The following ST6GALNAC3 variants were observed in gnomAD, a reference collection of about 807,000 sequenced individuals.
ST6GALNAC3 encodes the protein alpha-N-acetylgalactosaminide alpha-2,6-sialyltransferase 3.
A neutral mutation model predicts 32.7 loss-of-function variants in ST6GALNAC3; 25 were observed. The observed-to-expected ratio is 0.76, with a 90% CI of 0.56 to 1.07. The LOEUF (loss-of-function observed/expected upper bound fraction) is 1.07, where lower values mean the gene tolerates loss of function less well. ST6GALNAC3 is among the 50% of genes least tolerant of loss of function. ST6GALNAC3 has a pLI of 0.00. For missense variants in ST6GALNAC3, 355 were observed against 382.4 expected (o/e 0.93, Z 0.60); for synonymous variants, 129 against 133.1 (o/e 0.97, Z 0.21).
chr1:76,257,473 A>G (rs1657985225), intron 1 of ST6GALNAC3, among the ~76,000 whole-genome samples: 1 of 152,104 alleles, frequency 6.6e-6, no homozygotes, highest in Non-Finnish European at 1.5e-5. Flanking sequence ...TACATTTTTA[A>G]AAAGCACCAT....
At chr1:76,097,211 G>A (rs1224654619) in intron 1 of ST6GALNAC3, among the ~76,000 whole-genome samples, 1 of 152,166 alleles carries the variant, frequency 6.6e-6, no homozygotes, top group African/African-American at 2.4e-5. Context: ...GAACCACTGC[G>A]CCCAGCCAGA....
intron 1 of ST6GALNAC3, among the ~76,000 whole-genome samples, chr1:76,147,408 C>G (rs11582447): frequency 0.12 from 18,852 of 152,080 alleles, 1,230 homozygotes; most frequent in African/African-American, 0.16. Context: ...TATTTTGCCT[C>G]TTTGATTGTC....
chr1:76,507,089 C>T (rs913789150), intron 3 of ST6GALNAC3, among the ~76,000 whole-genome samples: 3 of 152,252 alleles, frequency 2.0e-5, no homozygotes, highest in East Asian at 3.9e-4. Context: ...AGAGCTATAT[C>T]GCTCAGGAGC....
rs550367693 is a variant in ST6GALNAC3, at chr1:76,080,631, C to T, written c.18+5747C>T. 2.4e-3 allele frequency among the ~76,000 whole-genome samples: 305 copies of T among 129,334 alleles called. 1 individual carries two copies. The highest frequency in any genetic ancestry group is 3.9e-3 in the Non-Finnish European group (244 of 61,794). The allele number at this position is 129,334 out of a possible 152,430, so 84.8% of individuals were successfully genotyped here. On this transcript the variant is annotated intron_variant, in intron 1 of 4. Transcript: ENST00000328299. ...CCCCAGATTAACAGAAACAGATAAACCAAAAAAAAAAAAAAACAATCAAAA... is the reference window on the plus strand; with the variant it reads ...CCCCAGATTAACAGAAACAGATAAATCAAAAAAAAAAAAAAACAATCAAAA...
intron 2 of ST6GALNAC3, among the ~76,000 whole-genome samples, chr1:76,388,049 G>A (rs1378435454): frequency 6.6e-6 from 1 of 151,954 alleles, no homozygotes; most frequent in Non-Finnish European, 1.5e-5. Flanking sequence ...GGGGAGATTT[G>A]CTCTGCTTCT....
At chr1:76,609,600 C>A (rs994143822) in intron 3 of ST6GALNAC3, among the ~76,000 whole-genome samples, 3 of 151,806 alleles carry the variant, frequency 2.0e-5, no homozygotes, top group African/African-American at 7.3e-5. Flanking sequence ...CAGGCTGGTC[C>A]ATGAAAAAAA....
intron 2 of ST6GALNAC3, among the ~76,000 whole-genome samples, chr1:76,364,745 A>G (rs1650234407): frequency 6.6e-6 from 1 of 152,086 alleles, no homozygotes; most frequent in Non-Finnish European, 1.5e-5. Context: ...CAATATCACT[A>G]ATTATGAGAG....
rs1403760552 is a variant in ST6GALNAC3, at chr1:76,148,709, C to A, written c.18+73825C>A. On this transcript the variant is annotated intron_variant, in intron 1 of 4. Transcript: ENST00000328299. ...CTTTCTTCCATTGCCTGTCTCCTGTCCCCAGGGGCCTCAGTGGAGGCCAGA... is the reference window on the plus strand; with the variant it reads ...CTTTCTTCCATTGCCTGTCTCCTGTACCCAGGGGCCTCAGTGGAGGCCAGA... 5.3e-5 allele frequency among the ~76,000 whole-genome samples: 8 copies of A among 152,158 alleles called. No homozygotes were observed. In the East Asian group the frequency reaches 1.2e-3, roughly 22 times the overall value.
intron 1 of ST6GALNAC3, among the ~76,000 whole-genome samples, chr1:76,312,008 G>C (rs1387272620): frequency 1.3e-5 from 2 of 152,126 alleles, no homozygotes; most frequent in African/African-American, 4.8e-5. Context: ...CTGTGGTTTT[G>C]ATTTGCACTT....
intron 1 of ST6GALNAC3, among the ~76,000 whole-genome samples, chr1:76,149,546 T>C (rs1013995374): frequency 1.3e-5 from 2 of 152,222 alleles, no homozygotes; most frequent in Non-Finnish European, 2.9e-5. Flanking sequence ...ATATGCATTA[T>C]GAAATGATTA....
intron 1 of ST6GALNAC3, among the ~76,000 whole-genome samples, chr1:76,175,763 G>T (rs961049995): frequency 6.7e-6 from 1 of 149,970 alleles, no homozygotes; most frequent in Non-Finnish European, 1.5e-5. Context: ...CTTGGTCACT[G>T]TTCCAAAGCT....
intron 2 of ST6GALNAC3, among the ~76,000 whole-genome samples, chr1:76,346,261 C>G (rs1648502568): frequency 6.6e-6 from 1 of 152,080 alleles, no homozygotes; most frequent in Non-Finnish European, 1.5e-5. Flanking sequence ...AAGCTCACAC[C>G]AGGTAAGTAA....
intron 3 of ST6GALNAC3, among the ~76,000 whole-genome samples, chr1:76,496,944 A>C (rs984868256): frequency 6.6e-6 from 1 of 152,156 alleles, no homozygotes; most frequent in Non-Finnish European, 1.5e-5. Context: ...AGCTGGGGCC[A>C]TTCTGCCCTC....
chr1:76,574,370 A>G (rs1049818028), intron 3 of ST6GALNAC3, among the ~76,000 whole-genome samples: 48 of 152,214 alleles, frequency 3.2e-4, no homozygotes, highest in African/African-American at 1.2e-3. Flanking sequence ...AGTAGAATCT[A>G]TTAGGACCGT....
At chr1:76,521,455 A>C (rs893522738) in intron 3 of ST6GALNAC3, among the ~76,000 whole-genome samples, 14 of 152,238 alleles carry the variant, frequency 9.2e-5, no homozygotes, top group African/African-American at 3.4e-4. Context: ...TCTGGGCTCA[A>C]GCAAACCCCC....
chr1:76,105,914 A>G (rs942677483), intron 1 of ST6GALNAC3, among the ~76,000 whole-genome samples: 6 of 152,194 alleles, frequency 3.9e-5, no homozygotes, highest in Non-Finnish European at 5.9e-5. Flanking sequence ...ATGAGAGACA[A>G]TTCTTCACAT....
At chr1:76,597,260 A>C (rs1316351934) in intron 3 of ST6GALNAC3, among the ~76,000 whole-genome samples, 3 of 152,136 alleles carry the variant, frequency 2.0e-5, no homozygotes, top group Non-Finnish European at 4.4e-5. Flanking sequence ...TTACTCAGTA[A>C]ATATATGTTG....
intron 3 of ST6GALNAC3, among the ~76,000 whole-genome samples, chr1:76,556,464 T>C (rs773313063): frequency 7.2e-5 from 11 of 152,100 alleles, no homozygotes; most frequent in Non-Finnish European, 1.5e-4. Context: ...ACCAGACTAT[T>C]TTTTAGAGTA....
At chr1:76,529,216 G>A (rs1347540) in intron 3 of ST6GALNAC3, among the ~76,000 whole-genome samples, 12,268 of 152,048 alleles carry the variant, frequency 0.081, 705 homozygotes, top group African/African-American at 0.16. Context: ...CACCTTCACT[G>A]CCCACAAGTC....
Sources: gnomAD v4.1 joint callset for allele counts (sites outside exome capture counted in the v4.1 genomes callset) on GRCh38, gnomAD v4.1.1 for gene constraint, MANE v1.5 for transcripts, NCBI Gene and HGNC (gene_info 2026-07-23, HGNC 2026-07-21) for gene names.